BPIFB4: variants seen among roughly 807,000 people sequenced by gnomAD.
BPIFB4 encodes BPI fold-containing family B member 4.
In BPIFB4, 62 loss-of-function variants were observed where a neutral mutation model predicts 69.2. The ratio of observed to expected loss-of-function variants is 0.90; its 90% confidence interval spans 0.73 to 1.11. BPIFB4 has a LOEUF of 1.11. Among genes scored for constraint, BPIFB4 ranks in the 50% least tolerant of loss-of-function variants. The pLI is 0.00. For missense variants in BPIFB4, 789 were observed against 792.0 expected, an observed-to-expected ratio of 1.00 and a Z score of 0.04; for synonymous variants, 330 against 332.7, an observed-to-expected ratio of 0.99 and a Z score of 0.09.
chr20:33,095,976 C>T (rs1449244570), intron 12 of BPIFB4, among the ~76,000 whole-genome samples: 2 of 152,144 alleles, frequency 1.3e-5, no homozygotes, highest in African/African-American at 2.4e-5. Context: ...AAGTGTTATG[C>T]AGGTGTGAAT....
intron 12 of BPIFB4, 46 bp from the exon 13 acceptor site, chr20:33,097,571 T>G: frequency 6.3e-7 from 1 of 1,581,766 alleles, no homozygotes; most frequent in Non-Finnish European, 8.6e-7. Context: ...CCTGGGTACC[T>G]CCTATGCTAA....
At chr20:33,098,659 C>T (rs911065235) in intron 13 of BPIFB4, among the ~76,000 whole-genome samples, 9 of 151,080 alleles carry the variant, frequency 6.0e-5, no homozygotes, top group East Asian at 3.9e-4. Context: ...GCACGAGAAT[C>T]GCTTGAACCT....
chr20:33,096,668 C>T (rs1981763688), intron 12 of BPIFB4, among the ~76,000 whole-genome samples: 1 of 152,146 alleles, frequency 6.6e-6, no homozygotes, highest in Non-Finnish European at 1.5e-5. Context: ...AACAGAGGCT[C>T]AGAGAGGTCA....
At position 33,097,616 on chromosome 20, in the gene BPIFB4, G is replaced by T; in HGVS notation, c.1399-1G>T. ...CCATCTGGCCTGGTGCCTGCCCACA[G>T]GTGTTCCAGCAGTACCCCGAGTCCT... On this transcript the variant is annotated splice_acceptor_variant, in intron 12 of 17. Transcript: ENST00000375483. LOFTEE classifies it high-confidence loss of function. 6.2e-7 allele frequency: 1 copy of T among 1,613,578 alleles called. No individual in the cohort carries two copies. Among genetic ancestry groups the T allele is most frequent in the African/African-American group, 1.3e-5 (1 of 75,028 alleles).
chr20:33,097,970 G>T (rs1981802937), intron 13 of BPIFB4, among the ~76,000 whole-genome samples, 183 bp downstream of exon 13: 1 of 152,154 alleles, frequency 6.6e-6, no homozygotes, highest in Non-Finnish European at 1.5e-5. Context: ...CATGACTTTG[G>T]ACAAGTCACT....
chr20:33,093,250 T>C (rs2067193541), intron 11 of BPIFB4, among the ~76,000 whole-genome samples: 1 of 151,472 alleles, frequency 6.6e-6, no homozygotes, highest in Admixed American at 6.6e-5. Flanking sequence ...AACCCACCTA[T>C]CCACCCACCC....
chr20:33,098,471 A>AT (rs1981819268), intron 13 of BPIFB4, among the ~76,000 whole-genome samples: 1 of 152,168 alleles, frequency 6.6e-6, no homozygotes. Flanking sequence ...ATGGCCAGGC[A>AT]TGGTGGCTCA....
intron 11 of BPIFB4, 23 bp from the exon 12 acceptor site, chr20:33,095,077 T>G (rs748548176): frequency 1.0e-5 from 16 of 1,596,854 alleles, no homozygotes; most frequent in African/African-American, 1.3e-5. Flanking sequence ...AGGATTCACG[T>G]GGCCCTTCTT....
At chr20:33,092,273 C>G (rs1001147689) in intron 10 of BPIFB4, among the ~76,000 whole-genome samples, 185 bp from the exon 11 acceptor site, 2 of 152,164 alleles carry the variant, frequency 1.3e-5, no homozygotes, top group Non-Finnish European at 2.9e-5. Flanking sequence ...GCAGGAACTG[C>G]GAAAGGTTCC....
At chr20:33,109,311 C>T (rs1022839956) in intron 17 of BPIFB4, among the ~76,000 whole-genome samples, 19 of 152,090 alleles carry the variant, frequency 1.2e-4, no homozygotes, top group African/African-American at 4.6e-4. Context: ...TCATCATCAT[C>T]ATCTCTACTA....
chr20:33,098,293 T>C (rs1981813782), intron 13 of BPIFB4, among the ~76,000 whole-genome samples: 2 of 152,238 alleles, frequency 1.3e-5, no homozygotes, highest in Admixed American at 1.3e-4. Context: ...TTCAGCAATA[T>C]TTATTGAGCA....
intron 12 of BPIFB4, among the ~76,000 whole-genome samples, chr20:33,096,253 A>T (rs924761334): frequency 2.6e-5 from 4 of 152,140 alleles, no homozygotes; most frequent in East Asian, 1.9e-4. Flanking sequence ...TTTACAGCTT[A>T]TGAAATTGTT....
chr20:33,094,207 G>A (rs553170316), intron 11 of BPIFB4, among the ~76,000 whole-genome samples: 7 of 152,202 alleles, frequency 4.6e-5, no homozygotes, highest in Non-Finnish European at 1.0e-4. Context: ...CAGAGCTCAT[G>A]CCCAAAGCTC....
chr20:33,084,683 G>A (rs1785856537), intron 5 of BPIFB4, among the ~76,000 whole-genome samples: 1 of 152,154 alleles, frequency 6.6e-6, no homozygotes. Flanking sequence ...GCACACAGTG[G>A]GCCTCTGGGC....
chr20:33,097,557 A>C (rs1981788790), intron 12 of BPIFB4, 60 bp from the exon 13 acceptor site: 1 of 1,526,692 alleles, frequency 6.6e-7, no homozygotes, highest in African/African-American at 1.4e-5. Context: ...TTGGCTGATA[A>C]CCCCCTGGGT....
At chr20:33,096,656 G>A (rs1294807580) in intron 12 of BPIFB4, among the ~76,000 whole-genome samples, 1 of 152,178 alleles carries the variant, frequency 6.6e-6, no homozygotes, top group Non-Finnish European at 1.5e-5. Flanking sequence ...TACAGATGGG[G>A]AAACAGAGGC....
chr20:33,090,652 G>A (rs1275183891), intron 9 of BPIFB4, 56 bp from the exon 10 acceptor site: 2 of 1,604,422 alleles, frequency 1.2e-6, no homozygotes, highest in African/African-American at 1.3e-5. Flanking sequence ...TGTATGAGGA[G>A]GGAAGGCATC....
At position 33,090,740 on chromosome 20, in the gene BPIFB4, C is replaced by T. The variant is rs1192036640; in HGVS notation, c.1084C>T (p.Gln362Ter). 8.7e-6 allele frequency: 14 copies of T among 1,614,070 alleles called. No homozygotes were observed. The highest frequency in any genetic ancestry group is 1.2e-5 in the Non-Finnish European group (14 of 1,180,042). The change falls in exon 10 of 18, where the codon CAG (glutamine) becomes TAG (stop). Residue 362 changes from glutamine (Q) to a stop codon, truncating the protein, a stop_gained. Transcript: ENST00000375483. LOFTEE classifies it high-confidence loss of function. ...LIPLGILGSV[Q>*]YTFSSLPLVT... ...TCCTCTGGGGATATTGGGAAGTGTC[C>T]AGTACACCTTCTCCAGCCTCCCGCT...
intron 17 of BPIFB4, among the ~76,000 whole-genome samples, chr20:33,109,693 C>T (rs75996114): frequency 0.014 from 2,173 of 152,254 alleles, 59 homozygotes; most frequent in African/African-American, 0.05. Context: ...CTTTCTCCTT[C>T]ATATTCTGGT....
Sources: gnomAD v4.1 joint callset for allele counts (sites outside exome capture counted in the v4.1 genomes callset) on GRCh38, gnomAD v4.1.1 for gene constraint, MANE v1.5 for transcripts, NCBI Gene and HGNC (gene_info 2026-07-23, HGNC 2026-07-21) for gene names.